Variants in EPHA1 observed in about 807,000 individuals in gnomAD.
The protein encoded by EPHA1 is EPH receptor A1.
Under a neutral mutation model 110.1 loss-of-function variants are expected in EPHA1, and 92 were observed. The observed-to-expected ratio is 0.84, with a 90% CI of 0.71 to 0.99. The LOEUF is 0.99. Among genes scored for constraint, EPHA1 ranks in the 50% least tolerant of loss-of-function variants. The pLI is 0.00. For synonymous variants in EPHA1, 500 were observed against 516.1 expected (o/e 0.97, Z 0.42); for missense variants, 1,204 against 1,285.4 (o/e 0.94, Z 0.97).
In EPHA1 at chr7:143,397,317, G is replaced by A. The variant is rs1464716685; in HGVS notation, c.1758C>T (p.Thr586=). The change falls in exon 10 of 18, where the codon ACC becomes ACT. Residue 586 remains threonine (T), a synonymous_variant. Transcript: ENST00000275815. The part of the protein sequence containing the change: ...QRQQRQRDRA[T]DVDREDKLWL... ...CACCCGACTCACCTCGATCCACATC[G>A]GTGGCGCGGTCACGCTGCCTCTGCT... The A allele has an allele frequency of 1.9e-6, 3 of 1,549,722 alleles. No individual in the cohort carries two copies. Among genetic ancestry groups the A allele is most frequent in the Non-Finnish European group, 2.6e-6 (3 of 1,146,816 alleles).
At position 143,401,533 on chromosome 7, in the gene EPHA1, T is replaced by C; in HGVS notation, c.223A>G (p.Arg75Gly). 1.2e-6 allele frequency: 2 copies of C among 1,614,126 alleles called. No individual in the cohort carries two copies. Among genetic ancestry groups the C allele is most frequent in the African/African-American group, 2.7e-5 (2 of 75,052 alleles). Reference sequence around the variant, plus strand: ...GAGCGAAGCCAGTGGTCAGTGTCTCTGCGTCCTTGCATTGGGCAGTCCTGG... The same window carrying C: ...GAGCGAAGCCAGTGGTCAGTGTCTCCGCGTCCTTGCATTGGGCAGTCCTGG... ...MYQDCPMQGR[R>G]DTDHWLRSNW... Residue 75 changes from arginine to glycine, a missense_variant, in exon 3 of 18, where the codon AGA (arginine) becomes GGA (glycine). Transcript: ENST00000275815. This position sits in a 1 kb window ranked among gnomAD's most constrained non-coding sequence, Gnocchi z 4.1.
rs775700624 is a variant in EPHA1 at position 143,407,697 on chromosome 7, G to T, written c.83-19C>A. Reference sequence around the variant, plus strand: ...AGAGTAACTGAAAGTGGGGAGAAAAGAAGTCTGTCACCTCTGGGGGAGGAG... The same window carrying T: ...AGAGTAACTGAAAGTGGGGAGAAAATAAGTCTGTCACCTCTGGGGGAGGAG... On this transcript the variant is annotated intron_variant, in intron 1 of 17. Coordinates refer to ENST00000275815, the MANE Select transcript of EPHA1 (RefSeq NM_005232.5). 7 of 1,612,308 alleles carry T rather than the reference G, an allele frequency of 4.3e-6. No individual in the cohort carries two copies. The East Asian group carries it at 1.3e-4, about 31-fold the overall frequency.
Position 143,397,693 on chromosome 7 carries a change from C to T in EPHA1, c.1616-36G>A, listed in dbSNP as rs1563116810. The T allele has an allele frequency of 6.2e-6, 10 of 1,610,996 alleles. No individual in the cohort carries two copies. The Middle Eastern group carries it at 4.9e-4, about 80-fold the overall frequency. On this transcript the variant is annotated intron_variant, in intron 8 of 17. Transcript: ENST00000275815. ...AAAGGGATGAGGAAGTGTTGGGACTCACAGTCCGTAGGAATGAGGGGGGTT... is the reference window on the plus strand; with the variant it reads ...AAAGGGATGAGGAAGTGTTGGGACTTACAGTCCGTAGGAATGAGGGGGGTT...
At chr7:143,402,559 A>T (rs1294308731) in intron 2 of EPHA1, among the ~76,000 whole-genome samples, 1 of 152,102 alleles carries the variant, frequency 6.6e-6, no homozygotes, top group Admixed American at 6.5e-5. Flanking sequence ...TGCCTGGCTA[A>T]TTTTTTGTAT....
rs747667149 is a variant in EPHA1 at position 143,394,378 on chromosome 7, T to C, written c.2353-35A>G. On this transcript the variant is annotated intron_variant, in intron 14 of 17. Transcript: ENST00000275815. The stretch of plus-strand genomic sequence containing the variant: ...CACATGGGTCAGGGACGGAAAGTTA[T>C]GGTGTCCACCTGAGCACGAGTCTTT... The C allele has an allele frequency of 2.5e-6, 4 of 1,597,474 alleles. No homozygotes were observed. The South Asian group carries it at 4.5e-5, about 18-fold the overall frequency.
At chr7:143,398,280 G>T in intron 7 of EPHA1, 41 bp downstream of exon 7, 1 of 1,609,942 alleles carries the variant, frequency 6.2e-7, no homozygotes, top group Non-Finnish European at 8.5e-7. Flanking sequence ...GGGTGTGCCC[G>T]GGCATGGACA....
rs1048159117 is a variant in EPHA1, at chr7:143,395,775, C to A, written c.1898-271G>T. ...GCTCGGCAACTGCAGGGTGAATGAA[C>A]CCTGTGGAGCGGGACTGGGCCGTGC... On this transcript the variant is annotated intron_variant, in intron 11 of 17. Coordinates refer to ENST00000275815, the MANE Select transcript of EPHA1 (RefSeq NM_005232.5). This position sits in a 1 kb window ranked among gnomAD's most constrained non-coding sequence, Gnocchi z 4.7. Among the ~76,000 whole-genome samples, 1 of 152,236 alleles carries A rather than the reference C, an allele frequency of 6.6e-6. No individual in the cohort carries two copies. The highest frequency in any genetic ancestry group is 2.4e-5 in the African/African-American group (1 of 41,458).
At position 143,393,998 on chromosome 7, in the gene EPHA1, T is replaced by A. The variant is rs1273097864; in HGVS notation, c.2503-134A>T. On this transcript the variant is annotated intron_variant, in intron 15 of 17. Coordinates refer to ENST00000275815, the MANE Select transcript of EPHA1 (RefSeq NM_005232.5). The surrounding 1 kb of genome is among the most constrained non-coding windows in gnomAD (Gnocchi z 5.6). Reference sequence around the variant, plus strand: ...AGGTGGGAGGACCAGGGTGGGACGATCACAGTGGGAGGATCAGGGTGGGAG... The same window carrying A: ...AGGTGGGAGGACCAGGGTGGGACGAACACAGTGGGAGGATCAGGGTGGGAG... The A allele has an allele frequency of 1.6e-6, 2 of 1,248,588 alleles. No individual in the cohort carries two copies. Among genetic ancestry groups the A allele is most frequent in the Admixed American group, 2.5e-5 (1 of 40,130 alleles). 77.3% of individuals were successfully genotyped at this position (1,248,588 alleles called of 1,614,324 possible). A position where few individuals can be genotyped will look rare whatever the true frequency, so the allele number is the denominator to read the frequency against.
chr7:143,397,736 G>C, intron 8 of EPHA1, 79 bp from the exon 9 acceptor site: 1 of 1,567,060 alleles, frequency 6.4e-7, no homozygotes. Flanking sequence ...AGGGCCCTGG[G>C]TACACCTAGG....
In EPHA1 at chr7:143,394,243, T is replaced by C; in HGVS notation, c.2453A>G (p.Glu818Gly). 1 of 1,613,928 alleles carries C rather than the reference T, an allele frequency of 6.2e-7. No individual in the cohort carries two copies. The highest frequency in any genetic ancestry group is 8.5e-7 in the Non-Finnish European group (1 of 1,179,968). The change falls in exon 15 of 18, where the codon GAG becomes GGG. Residue 818 changes from glutamate to glycine, a missense_variant. Coordinates refer to ENST00000275815, the MANE Select transcript of EPHA1 (RefSeq NM_005232.5). ...AGGCTTGTCCCCAAAGCTCAGCACC[T>C]CCCACATCACAATCCCAAAGCTCCA... The part of the protein sequence containing the change: ...DVWSFGIVMW[E>G]VLSFGDKPYG...
Position 143,397,581 on chromosome 7 carries a change from C to G in EPHA1, c.1692G>C (p.Gly564=). The G allele has an allele frequency of 6.2e-7, 1 of 1,614,112 alleles. No individual in the cohort carries two copies. The highest frequency in any genetic ancestry group is 8.5e-7 in the Non-Finnish European group (1 of 1,180,010). Reference sequence around the variant, plus strand: ...GGCACCTGGACCGGAAAACGAGAATCCCAAGCAGCAAGGCTGCACCAAGCA... The same window carrying G: ...GGCACCTGGACCGGAAAACGAGAATGCCAAGCAGCAAGGCTGCACCAAGCA... ...GLLLGAALLL[G]ILVFRSRRAQ... Residue 564 remains glycine, a synonymous_variant, in exon 9 of 18, where the codon GGG becomes GGC. Transcript: ENST00000275815.
In EPHA1 at chr7:143,399,272, TG is replaced by T. The variant is rs780768412; in HGVS notation, c.976del (p.Gln326ArgfsTer14). On this transcript the variant is annotated frameshift_variant, in exon 5 of 18. Coordinates refer to ENST00000275815, the MANE Select transcript of EPHA1 (RefSeq NM_005232.5). LOFTEE classifies it high-confidence loss of function. The stretch of plus-strand genomic sequence containing the variant: ...CCTGGACTCACCTGTGCATGCCACC[TG>T]GGGGCCCTCCCCGGGAGCTCTGTAA... ...GHYRAPGEGP[Q>X]VACTGPPSAP... 1.9e-6 allele frequency: 3 copies of T among 1,611,702 alleles called. No homozygotes were observed. The highest frequency in any genetic ancestry group is 2.5e-6 in the Non-Finnish European group (3 of 1,179,766).
intron 10 of EPHA1, 169 bp from the exon 11 acceptor site, chr7:143,396,679 T>G: frequency 1.4e-6 from 1 of 708,750 alleles, no homozygotes; most frequent in Non-Finnish European, 2.2e-6. Flanking sequence ...AACTAGGCCT[T>G]TCTTCTCCCT....
chr7:143,401,656 A>AC lies in EPHA1; in HGVS notation c.151-52dup. 1 of 1,577,378 alleles carries AC rather than the reference A, an allele frequency of 6.3e-7. No homozygotes were observed. Among genetic ancestry groups the AC allele is most frequent in the Non-Finnish European group, 8.6e-7 (1 of 1,157,714 alleles). ...GACCAGATCATCCCCTGCTCCCCAA[A>AC]CCCTTGGTTTTTAGAGCTGATGGAG... On this transcript the variant is annotated intron_variant, in intron 2 of 17. Transcript: ENST00000275815. The surrounding 1 kb of genome is among the most constrained non-coding windows in gnomAD (Gnocchi z 4.1).
intron 10 of EPHA1, chr7:143,396,793 C>G: frequency 2.6e-6 from 1 of 391,506 alleles, no homozygotes; most frequent in Non-Finnish European, 4.8e-6. Flanking sequence ...CCAATCTTCT[C>G]AGCGGCCAGT....
rs766970539 is a variant in EPHA1, at chr7:143,393,326, AG to A, written c.2696+344del. Among the ~76,000 whole-genome samples, 18 of 152,166 alleles carry A rather than the reference AG, an allele frequency of 1.2e-4. No individual in the cohort carries two copies. The highest frequency in any genetic ancestry group is 2.5e-4 in the Non-Finnish European group (17 of 68,026). The stretch of plus-strand genomic sequence containing the variant: ...ACATGCAGAAATATTTCTATGGGGA[AG>A]GGGATGCATCCCAAGAATGGGCCAC... On this transcript the variant is annotated intron_variant, in intron 16 of 17. Transcript: ENST00000275815. The surrounding 1 kb of genome is among the most constrained non-coding windows in gnomAD (Gnocchi z 5.6).
chr7:143,392,556 A>AC (rs199518273), intron 16 of EPHA1, among the ~76,000 whole-genome samples: 40 of 107,600 alleles, frequency 3.7e-4, no homozygotes, highest in Non-Finnish European at 5.3e-4. Context: ...GCGCTCCCCC[A>AC]CCCCCCCATC....
At position 143,395,103 on chromosome 7, in the gene EPHA1, G is replaced by C. The variant is rs776567061; in HGVS notation, c.2145+18C>G. 4 of 1,614,014 alleles carry C rather than the reference G, an allele frequency of 2.5e-6. No individual in the cohort carries two copies. Among genetic ancestry groups the C allele is most frequent in the Non-Finnish European group, 3.4e-6 (4 of 1,179,994 alleles). On this transcript the variant is annotated intron_variant, in intron 13 of 17. Coordinates refer to ENST00000275815, the MANE Select transcript of EPHA1 (RefSeq NM_005232.5). The surrounding 1 kb of genome is among the most constrained non-coding windows in gnomAD (Gnocchi z 4.7). ...CATGGTGCATCCCCCTCCCCAGCTA[G>C]TCCTCTGCCCTCCTCACCCTCAGGA...
intron 11 of EPHA1, among the ~76,000 whole-genome samples, chr7:143,396,126 T>G (rs1453847269): frequency 3.3e-5 from 5 of 152,228 alleles, no homozygotes; most frequent in Admixed American, 2.6e-4. Flanking sequence ...TTTAATGCCC[T>G]TTATCAGAAA....
Sources: allele counts gnomAD v4.1 joint callset (sites outside exome capture counted in the v4.1 genomes callset), GRCh38; gene constraint gnomAD v4.1.1; non-coding constraint Gnocchi (gnomAD v3.1); transcripts MANE v1.5; gene names NCBI Gene and HGNC (gene_info 2026-07-23, HGNC 2026-07-21).